Variants in GTF2F2 observed in about 807,000 individuals in gnomAD.
GTF2F2 encodes the protein ATP-dependent helicase GTF2F2.
Under a neutral mutation model 42.2 loss-of-function variants are expected in GTF2F2, and 23 were observed. That is an observed-to-expected ratio of 0.55 (90% CI 0.39 to 0.77). The LOEUF (loss-of-function observed/expected upper bound fraction) is 0.77. Ranked by LOEUF, GTF2F2 falls within the 30% of genes least tolerant of loss-of-function variation. The pLI is 0.00. For synonymous variants in GTF2F2, 105 were observed against 100.8 expected, an observed-to-expected ratio of 1.04 and a Z score of -0.25; for missense variants, 261 against 287.2, an observed-to-expected ratio of 0.91 and a Z score of 0.66.
intron 6 of GTF2F2, among the ~76,000 whole-genome samples, chr13:45,256,741 A>C (rs1336096437): frequency 6.6e-6 from 1 of 152,156 alleles, no homozygotes; most frequent in East Asian, 1.9e-4. Flanking sequence ...TGAGAAACAT[A>C]AACGAACACA....
intron 5 of GTF2F2, among the ~76,000 whole-genome samples, chr13:45,248,210 G>A (rs555633330): frequency 7.2e-5 from 11 of 152,184 alleles, no homozygotes; most frequent in African/African-American, 2.7e-4. Context: ...GACTAAATTT[G>A]TTACTTGATA....
chr13:45,122,453 G>A (rs1268039842), intron 1 of GTF2F2, among the ~76,000 whole-genome samples: 1 of 150,026 alleles, frequency 6.7e-6, no homozygotes, highest in African/African-American at 2.5e-5. Context: ...GGCCAATATG[G>A]TGAAACCCCA....
rs1167049089 is a variant in GTF2F2, at chr13:45,268,445, ACCCTTG to A, written c.630+1072_630+1077del. Among the ~76,000 whole-genome samples the A allele has an allele frequency of 3.3e-5, 5 of 152,218 alleles. No individual in the cohort carries two copies. In the East Asian group the frequency reaches 9.6e-4, roughly 29 times the overall value. The stretch of plus-strand genomic sequence containing the variant: ...GATATTTCTTTACTATTATACATCA[ACCCTTG>A]CCTTTTGTTAAGAAATTAATTTGAA... On this transcript the variant is annotated intron_variant, in intron 7 of 7. Coordinates refer to ENST00000340473, the MANE Select transcript of GTF2F2 (RefSeq NM_004128.3).
In GTF2F2 at chr13:45,151,692, A is replaced by G. The variant is rs143003112; in HGVS notation, c.165A>G (p.Ser55=). Residue 55 remains serine (S), a synonymous_variant, in exon 4 of 8, where the codon TCA becomes TCG. Transcript: ENST00000340473. ...CTGGTTAATGTGTCTATTAGGTGTC[A>G]TTTACTTTGAATGAGGATCTTGCAA... ...IAKTQGRTEV[S]FTLNEDLANI... is the part of the protein sequence containing the mutation. The G allele has an allele frequency of 1.3e-5, 21 of 1,601,608 alleles. No homozygotes were observed. The highest frequency in any genetic ancestry group is 1.5e-5 in the Non-Finnish European group (18 of 1,169,454).
At chr13:45,214,455 G>C (rs1873812165) in intron 5 of GTF2F2, among the ~76,000 whole-genome samples, 1 of 152,150 alleles carries the variant, frequency 6.6e-6, no homozygotes, top group African/African-American at 2.4e-5. Flanking sequence ...CAAGACTCCA[G>C]TTAGCCACCA....
intron 4 of GTF2F2, among the ~76,000 whole-genome samples, chr13:45,182,866 A>C (rs150341886): frequency 6.6e-6 from 1 of 152,048 alleles, no homozygotes; most frequent in Non-Finnish European, 1.5e-5. Context: ...TCTGTGGTTG[A>C]GGCCCCACAA....
chr13:45,155,235 A>G (rs996215722), intron 4 of GTF2F2, among the ~76,000 whole-genome samples: 2 of 152,226 alleles, frequency 1.3e-5, no homozygotes, highest in Admixed American at 6.5e-5. Flanking sequence ...TAAGTGACTA[A>G]GCCATTTTAC....
At chr13:45,255,783 T>C (rs1346896509) in intron 6 of GTF2F2, among the ~76,000 whole-genome samples, 1 of 152,194 alleles carries the variant, frequency 6.6e-6, no homozygotes, top group African/African-American at 2.4e-5. Context: ...TTTTTATCCT[T>C]TTATGGGCCA....
chr13:45,132,972 A>G lies in GTF2F2; in HGVS notation c.67-3761A>G, dbSNP rs1029203291. On this transcript the variant is annotated intron_variant, in intron 1 of 7. Transcript: ENST00000340473. ...TTTGTAACCATGTATTTAATGTGAGACCAGCTAGCGTGATCGAGAGCTTTC... is the reference window on the plus strand; with the variant it reads ...TTTGTAACCATGTATTTAATGTGAGGCCAGCTAGCGTGATCGAGAGCTTTC... 2.0e-5 allele frequency among the ~76,000 whole-genome samples: 3 copies of G among 152,100 alleles called. No individual in the cohort carries two copies. The East Asian group carries it at 5.8e-4, about 29-fold the overall frequency.
chr13:45,156,090 A>G (rs1031366264), intron 4 of GTF2F2, among the ~76,000 whole-genome samples: 1 of 152,078 alleles, frequency 6.6e-6, no homozygotes, highest in Non-Finnish European at 1.5e-5. Context: ...GTGCACCACC[A>G]TGTCTGGCTC....
intron 3 of GTF2F2, 85 bp downstream of exon 3, chr13:45,149,873 G>T: frequency 7.7e-7 from 1 of 1,305,656 alleles, no homozygotes; most frequent in South Asian, 1.6e-5. Flanking sequence ...TTTGAATTTT[G>T]GAAAACTCCA....
intron 3 of GTF2F2, among the ~76,000 whole-genome samples, chr13:45,150,664 CTT>C (rs368061537): frequency 8.2e-6 from 1 of 122,430 alleles, no homozygotes. Flanking sequence ...AAAAAATCAT[CTT>C]TTTTTTTTTT....
chr13:45,169,107 G>A (rs1448309197), intron 4 of GTF2F2, among the ~76,000 whole-genome samples: 3 of 151,508 alleles, frequency 2.0e-5, no homozygotes, highest in South Asian at 2.1e-4. Flanking sequence ...CGATCGCCTC[G>A]GCCTCCCAAA....
At chr13:45,175,011 A>G (rs746310335) in intron 4 of GTF2F2, among the ~76,000 whole-genome samples, 7 of 152,182 alleles carry the variant, frequency 4.6e-5, no homozygotes, top group Non-Finnish European at 7.4e-5. Flanking sequence ...ATTGTTAACT[A>G]TAGTCACCTT....
chr13:45,264,987 G>A (rs533151291), intron 6 of GTF2F2, among the ~76,000 whole-genome samples: 76 of 152,270 alleles, frequency 5.0e-4, no homozygotes, highest in African/African-American at 1.8e-3. Context: ...GAGGCCAGGC[G>A]TGGTGGCTCA....
At chr13:45,156,245 A>G (rs1308146683) in intron 4 of GTF2F2, among the ~76,000 whole-genome samples, 1 of 152,252 alleles carries the variant, frequency 6.6e-6, no homozygotes, top group Non-Finnish European at 1.5e-5. Context: ...AAATGCTACA[A>G]ATGCTCTAAT....
At chr13:45,128,695 A>T (rs946445295) in intron 1 of GTF2F2, among the ~76,000 whole-genome samples, 3 of 151,964 alleles carry the variant, frequency 2.0e-5, no homozygotes, top group African/African-American at 7.2e-5. Flanking sequence ...CTGGGCTCAA[A>T]CGATCCTTCT....
intron 5 of GTF2F2, among the ~76,000 whole-genome samples, chr13:45,226,669 T>A (rs1874372713): frequency 6.6e-6 from 1 of 152,218 alleles, no homozygotes; most frequent in South Asian, 2.1e-4. Flanking sequence ...TTCAAAAATC[T>A]CCAGTAAAAT....
At chr13:45,247,289 G>A (rs1875675298) in intron 5 of GTF2F2, among the ~76,000 whole-genome samples, 1 of 151,538 alleles carries the variant, frequency 6.6e-6, no homozygotes, top group Non-Finnish European at 1.5e-5. Context: ...CAGTGAGCTG[G>A]TATCACGCCA....
Sources: allele counts gnomAD v4.1 joint callset (sites outside exome capture counted in the v4.1 genomes callset), GRCh38; gene constraint gnomAD v4.1.1; transcripts MANE v1.5; gene names NCBI Gene and HGNC (gene_info 2026-07-23, HGNC 2026-07-21).